DCDC1: variants seen among roughly 807,000 people sequenced by gnomAD.
DCDC1 encodes the protein doublecortin domain-containing protein 1.
DCDC1 carries 200 observed loss-of-function variants against 178.3 expected under a neutral mutation model. That is an observed-to-expected ratio of 1.12 (90% confidence interval 1.00 to 1.26). The LOEUF (loss-of-function observed/expected upper bound fraction) is 1.26, where lower values mean the gene tolerates loss of function less well. Among genes scored for constraint, DCDC1 ranks in the 50% most tolerant of loss-of-function variants. The pLI is 0.00. For synonymous variants in DCDC1, 690 were observed against 604.8 expected (o/e 1.14, Z -2.07); for missense variants, 1,983 against 1,749.2 (o/e 1.13, Z -2.38).
Position 31,102,385 on chromosome 11 carries a change from C to A in DCDC1, c.1878-103G>T. 6.4e-6 allele frequency: 3 copies of A among 472,286 alleles called. No homozygotes were observed. In the East Asian group the frequency reaches 9.1e-5, roughly 14 times the overall value. 29.3% of individuals were successfully genotyped at this position (472,286 alleles called of 1,614,324 possible). ...TAATACTCTTTATGCTTTATGTATA[C>A]TCCATTACTAATAATTTATATATCA... is the stretch of plus-strand genomic sequence containing the variant. On this transcript the variant is annotated intron_variant, in intron 14 of 38. Transcript: ENST00000684477.
At chr11:31,296,866 C>T (rs1241799527) in intron 6 of DCDC1, among the ~76,000 whole-genome samples, 1 of 152,084 alleles carries the variant, frequency 6.6e-6, no homozygotes. Flanking sequence ...GGGGACCACC[C>T]CCATGATCTA....
intron 20 of DCDC1, among the ~76,000 whole-genome samples, chr11:31,042,710 G>A (rs1386672492): frequency 3.3e-5 from 5 of 152,088 alleles, no homozygotes; most frequent in Admixed American, 6.5e-5. Context: ...GGAAAGACAC[G>A]GTTGTGGACG....
At chr11:31,031,024 TA>T (rs1275556670) in intron 20 of DCDC1, among the ~76,000 whole-genome samples, 1 of 152,148 alleles carries the variant, frequency 6.6e-6, no homozygotes, top group African/African-American at 2.4e-5. Context: ...ATGTACCTTA[TA>T]AAAAAGTGTT....
intron 1 of DCDC1, among the ~76,000 whole-genome samples, chr11:31,356,359 G>A (rs1285242631): frequency 6.6e-6 from 1 of 152,050 alleles, no homozygotes; most frequent in Non-Finnish European, 1.5e-5. Flanking sequence ...CGAAATGAAG[G>A]CAGAAATAAA....
rs112299430 is a variant in DCDC1, at chr11:30,892,761, A to C, written c.5082+57T>G. On this transcript the variant is annotated intron_variant, in intron 36 of 38. Transcript: ENST00000684477. The stretch of plus-strand genomic sequence containing the variant: ...TTGCTTGACCAAACAATCTAGAAAT[A>C]TCAGAGCTGGGATTCAAACTCAGGC... 1.5e-3 allele frequency: 2,364 copies of C among 1,593,636 alleles called. 38 individuals carry two copies. The African/African-American group carries it at 0.026, about 17-fold the overall frequency.
intron 8 of DCDC1, among the ~76,000 whole-genome samples, chr11:31,244,206 C>T (rs1213606366): frequency 6.6e-6 from 1 of 151,726 alleles, no homozygotes; most frequent in East Asian, 1.9e-4. Context: ...CTAAAACATA[C>T]TTTTAAAATA....
chr11:31,108,632 G>T (rs1959005237), intron 12 of DCDC1, among the ~76,000 whole-genome samples: 1 of 152,194 alleles, frequency 6.6e-6, no homozygotes, highest in Admixed American at 6.5e-5. Context: ...GTAGACATGT[G>T]ATGTGAGCAT....
chr11:31,000,622 G>A (rs183013729), intron 20 of DCDC1, among the ~76,000 whole-genome samples: 1 of 152,080 alleles, frequency 6.6e-6, no homozygotes, highest in Non-Finnish European at 1.5e-5. Context: ...CTTCCCAAGA[G>A]AGAGGGTTTT....
intron 9 of DCDC1, chr11:31,215,133 T>TA (rs1359410969): frequency 4.0e-6 from 1 of 251,514 alleles, no homozygotes; most frequent in Non-Finnish European, 8.0e-6. Context: ...TGTGAACAAC[T>TA]AAAATAGAAA....
rs769045069 is a variant in DCDC1 at position 31,103,779 on chromosome 11, G to A, written c.1752-10C>T. On this transcript the variant is annotated splice_polypyrimidine_tract_variant and intron_variant, in intron 13 of 38. Transcript: ENST00000684477. ...AAGATTTAGTGGAGATCTGAAAAACGGATAAAACATCAAAACTATCTTCAA... is the reference window on the plus strand; with the variant it reads ...AAGATTTAGTGGAGATCTGAAAAACAGATAAAACATCAAAACTATCTTCAA... 23 of 756,364 alleles carry A rather than the reference G, an allele frequency of 3.0e-5. No homozygotes were observed. The highest frequency in any genetic ancestry group is 3.9e-5 in the Non-Finnish European group (16 of 414,956). The allele number at this position is 756,364 out of a possible 1,614,324, so 46.9% of individuals were successfully genotyped here.
At chr11:30,953,974 A>G (rs1948594197) in intron 20 of DCDC1, among the ~76,000 whole-genome samples, 1 of 147,668 alleles carries the variant, frequency 6.8e-6, no homozygotes, top group Non-Finnish European at 1.5e-5. Flanking sequence ...AGAGTATATT[A>G]TGCATGTATA....
chr11:31,029,387 T>C (rs1590810943), intron 20 of DCDC1, among the ~76,000 whole-genome samples: 1 of 152,140 alleles, frequency 6.6e-6, no homozygotes, highest in African/African-American at 2.4e-5. Flanking sequence ...ATGTTCTGTT[T>C]CTGTTAAGTG....
intron 9 of DCDC1, among the ~76,000 whole-genome samples, chr11:31,201,871 TAA>T (rs527329835): frequency 5.8e-4 from 89 of 152,328 alleles, no homozygotes; most frequent in Non-Finnish European, 9.6e-4. Context: ...TTTAAATCCT[TAA>T]AAGACTGTAG....
rs1190142697 is a variant in DCDC1 at position 30,904,994 on chromosome 11, A to G, written c.4275T>C (p.Asn1425=). 1 of 1,613,688 alleles carries G rather than the reference A, an allele frequency of 6.2e-7. No homozygotes were observed. The highest frequency in any genetic ancestry group is 8.5e-7 in the Non-Finnish European group (1 of 1,179,740). Residue 1425 remains asparagine, a synonymous_variant, in exon 31 of 39, where the codon AAT becomes AAC. Transcript: ENST00000684477. ...IAYKNGDGYR[N]GKLIVAGTFP... is the part of the protein sequence containing the mutation. ...ATGTTCCAGCCACAATTAACTTCCC[A>G]TTACGATACCCATCCCCATTTTTGT... is the stretch of plus-strand genomic sequence containing the variant.
At position 31,341,424 on chromosome 11, in the gene DCDC1, T is replaced by TAGAC. The variant is rs1555184028; in HGVS notation, c.-124-5861_-124-5860insGTCT. On this transcript the variant is annotated intron_variant, in intron 1 of 38. Coordinates refer to ENST00000684477, the MANE Select transcript of DCDC1 (RefSeq NM_001387274.1). ...ATAGATAGATAGATAGATAGATAGA[T>TAGAC]AGATAGATAGATAGACATGTGTTGC... Among the ~76,000 whole-genome samples, 1,467 of 150,450 alleles carry TAGAC rather than the reference T, an allele frequency of 9.8e-3. 32 individuals are homozygous for TAGAC. Among genetic ancestry groups the TAGAC allele is most frequent in the African/African-American group, 0.033 (1,334 of 40,768 alleles).
intron 2 of DCDC1, among the ~76,000 whole-genome samples, chr11:31,331,133 T>A (rs1416891898): frequency 6.6e-6 from 1 of 152,192 alleles, no homozygotes; most frequent in Non-Finnish European, 1.5e-5. Flanking sequence ...TCCTAGGTAT[T>A]TTATTCTCTT....
Position 31,233,666 on chromosome 11 carries a change from G to GTGTTTTGTTT in DCDC1, c.1221+7774_1221+7783dup, listed in dbSNP as rs372441884. 6.0e-3 allele frequency among the ~76,000 whole-genome samples: 906 copies of GTGTTTTGTTT among 152,258 alleles called. 11 individuals carry two copies. Among genetic ancestry groups the GTGTTTTGTTT allele is most frequent in the African/African-American group, 0.021 (871 of 41,544 alleles). ...AAGGCAAACAGATTGTGAACTATAT[G>GTGTTTTGTTT]TGTTTTGTTTTGTTTTCAAAATATT... On this transcript the variant is annotated intron_variant, in intron 9 of 38. Transcript: ENST00000684477.
chr11:31,192,034 A>C (rs1447957820), intron 9 of DCDC1, among the ~76,000 whole-genome samples: 1 of 152,032 alleles, frequency 6.6e-6, no homozygotes, highest in Non-Finnish European at 1.5e-5. Flanking sequence ...TATCATACAA[A>C]CCAGAAACCA....
intron 2 of DCDC1, among the ~76,000 whole-genome samples, chr11:31,330,947 G>C (rs914166171): frequency 1.3e-5 from 2 of 152,200 alleles, no homozygotes; most frequent in Non-Finnish European, 2.9e-5. Context: ...TTGGTAGCTT[G>C]ATGGGGATGC....
Sources: gnomAD v4.1 joint callset for allele counts (sites outside exome capture counted in the v4.1 genomes callset) on GRCh38, gnomAD v4.1.1 for gene constraint, MANE v1.5 for transcripts, NCBI Gene and HGNC (gene_info 2026-07-23, HGNC 2026-07-21) for gene names.